CHST3: variants seen among roughly 807,000 people sequenced by gnomAD.
CHST3 encodes C6ST-1.
CHST3 carries 20 observed loss-of-function variants against 35.4 expected under a neutral mutation model. The observed-to-expected ratio is 0.57, with a 90% CI of 0.40 to 0.82. The LOEUF is 0.82. CHST3 is among the 40% of genes least tolerant of loss of function. The pLI, the probability that CHST3 is intolerant of heterozygous loss-of-function variation, is 0.00. For synonymous variants in CHST3, 334 were observed against 295.9 expected, an observed-to-expected ratio of 1.13 and a Z score of -1.32; for missense variants, 693 against 670.1, an observed-to-expected ratio of 1.03 and a Z score of -0.38.
intron 1 of CHST3, among the ~76,000 whole-genome samples, chr10:71,971,729 C>T (rs1839696724): frequency 6.6e-6 from 1 of 152,244 alleles, no homozygotes; most frequent in Non-Finnish European, 1.5e-5. Context: ...GAATTTCACT[C>T]CAGCCACAGG....
intron 2 of CHST3, 45 bp from the exon 3 acceptor site, chr10:72,007,127 G>A: frequency 6.2e-7 from 1 of 1,605,478 alleles, no homozygotes; most frequent in Middle Eastern, 1.7e-4. Context: ...CCAGGAGACG[G>A]GGTCCCCAGT....
At position 72,008,361 on chromosome 10, in the gene CHST3, T is replaced by G. The variant is rs1318910977; in HGVS notation, c.1330T>G (p.Cys444Gly). 6.4e-7 allele frequency: 1 copy of G among 1,565,476 alleles called. No individual in the cohort carries two copies. Among genetic ancestry groups the G allele is most frequent in the Non-Finnish European group, 8.7e-7 (1 of 1,155,848 alleles). Residue 444 changes from cysteine to glycine, a missense_variant, in exon 3 of 3, where the codon TGC (cysteine) becomes GGC (glycine). By Grantham distance (159) the Cys-to-Gly change is radical. Transcript: ENST00000373115. ...GCTGGCCCAGGTGGTGCAGGCCGCC[T>G]GCGGCCCTGCCATGCGCCTCTTCGG... ...FKLAQVVQAA[C>G]GPAMRLFGYK...
At position 72,007,193 on chromosome 10, in the gene CHST3, G is replaced by C. The variant is rs1284424702; in HGVS notation, c.162G>C (p.Gln54His). Residue 54 changes from glutamine to histidine, a missense_variant, in exon 3 of 3, where the codon CAG (glutamine) becomes CAC (histidine). Coordinates refer to ENST00000373115, the MANE Select transcript of CHST3 (RefSeq NM_004273.5). ...ACAGGGTCTCAGACAAGCTGAAGCA[G>C]ATTCCCCAAGCTCTAGCAGATGCCA... ...IISRVSDKLK[Q>H]IPQALADANS... is the part of the protein sequence containing the mutation. 6.8e-6 allele frequency: 11 copies of C among 1,614,046 alleles called. No homozygotes were observed. The highest frequency in any genetic ancestry group is 2.7e-5 in the African/African-American group (2 of 74,934).
chr10:71,968,388 C>T (rs1221071869), intron 1 of CHST3, among the ~76,000 whole-genome samples: 1 of 152,122 alleles, frequency 6.6e-6, no homozygotes, highest in East Asian at 1.9e-4. Context: ...GGATATTAGA[C>T]TTTTGTCGGA....
At chr10:71,967,945 CT>C (rs1407676303) in intron 1 of CHST3, among the ~76,000 whole-genome samples, 1 of 151,246 alleles carries the variant, frequency 6.6e-6, no homozygotes, top group African/African-American at 2.4e-5. Context: ...CCTCAGCCCC[CT>C]GATAGGCGTG....
intron 1 of CHST3, among the ~76,000 whole-genome samples, chr10:71,968,906 C>T (rs150256346): frequency 1.3e-5 from 2 of 152,166 alleles, no homozygotes; most frequent in Non-Finnish European, 2.9e-5. Context: ...GTGACCATAC[C>T]GTGAATAGGG....
At chr10:71,976,822 C>T (rs143116870) in intron 1 of CHST3, among the ~76,000 whole-genome samples, 28 of 152,274 alleles carry the variant, frequency 1.8e-4, no homozygotes, top group African/African-American at 3.1e-4. Context: ...TTTGCCTCTA[C>T]GGATAGAAAA....
chr10:72,000,081 TGCACCTGTG>T (rs1839977633), intron 1 of CHST3, among the ~76,000 whole-genome samples: 1 of 152,228 alleles, frequency 6.6e-6, no homozygotes, highest in Admixed American at 6.5e-5. Flanking sequence ...GCCCTCAGCA[TGCACCTGTG>T]GCCCACACGC....
At chr10:71,981,097 G>C (rs146212741) in intron 1 of CHST3, among the ~76,000 whole-genome samples, 1 of 152,336 alleles carries the variant, frequency 6.6e-6, no homozygotes, top group East Asian at 1.9e-4. Context: ...TTTTTTCAAA[G>C]GGAAGAAGGT....
Position 72,008,563 on chromosome 10 carries a change from A to G in CHST3, c.*92A>G, listed in dbSNP as rs1488030926. ...CAGAGGGCGGGTGCACAGCGCCATGAGCGGGCAGCGCCTCCTGTAGCAGTA... is the reference window on the plus strand; with the variant it reads ...CAGAGGGCGGGTGCACAGCGCCATGGGCGGGCAGCGCCTCCTGTAGCAGTA... On this transcript the variant is annotated 3_prime_UTR_variant, in exon 3 of 3. Transcript: ENST00000373115. 1.4e-6 allele frequency: 2 copies of G among 1,440,476 alleles called. No individual in the cohort carries two copies. The highest frequency in any genetic ancestry group is 2.5e-5 in the East Asian group (1 of 39,964). 89.2% of individuals were successfully genotyped at this position (1,440,476 alleles called of 1,614,324 possible).
chr10:71,981,810 C>T (rs1839803905), intron 1 of CHST3, among the ~76,000 whole-genome samples: 2 of 152,204 alleles, frequency 1.3e-5, no homozygotes, highest in Non-Finnish European at 2.9e-5. Flanking sequence ...CTGTCAACCC[C>T]GCCCCTGGCT....
intron 1 of CHST3, among the ~76,000 whole-genome samples, chr10:71,979,656 G>T (rs1440553959): frequency 6.6e-6 from 1 of 152,130 alleles, no homozygotes; most frequent in African/African-American, 2.4e-5. Context: ...TCTCAGCTTT[G>T]AATTCTTTTT....
Position 72,008,109 on chromosome 10 carries a change from G to C in CHST3, c.1078G>C (p.Ala360Pro), listed in dbSNP as rs1249498594. ...LSAELGLRQPAWLRGRYMLVR... is the reference protein window; with the variant it reads ...LSAELGLRQPPWLRGRYMLVR... ...CGCGGAGCTGGGGCTGCGGCAGCCCGCCTGGCTGCGGGGCCGCTACATGCT... is the reference window on the plus strand; with the variant it reads ...CGCGGAGCTGGGGCTGCGGCAGCCCCCCTGGCTGCGGGGCCGCTACATGCT... Residue 360 changes from alanine (A) to proline (P), a missense_variant, in exon 3 of 3, where the codon GCC (alanine) becomes CCC (proline). Coordinates refer to ENST00000373115, the MANE Select transcript of CHST3 (RefSeq NM_004273.5). 6.5e-7 allele frequency: 1 copy of C among 1,544,956 alleles called. No homozygotes were observed. The highest frequency in any genetic ancestry group is 2.0e-5 in the Admixed American group (1 of 50,824).
At chr10:71,984,970 C>T (rs1211197566) in intron 1 of CHST3, among the ~76,000 whole-genome samples, 3 of 152,242 alleles carry the variant, frequency 2.0e-5, no homozygotes, top group Admixed American at 6.5e-5. Context: ...AGCTTGCACT[C>T]TTACAAATTT....
chr10:71,995,389 C>T lies in CHST3; in HGVS notation c.-107-10347C>T, dbSNP rs930608164. Among the ~76,000 whole-genome samples the T allele has an allele frequency of 6.7e-5, 10 of 148,172 alleles. No individual in the cohort carries two copies. The South Asian group carries it at 1.9e-3, about 28-fold the overall frequency. Reference sequence around the variant, plus strand: ...GCAGTGAGCCGAGATCACGCCACTGCGCTCCAGCCTGGGCAGAGCGAGAGT... The same window carrying T: ...GCAGTGAGCCGAGATCACGCCACTGTGCTCCAGCCTGGGCAGAGCGAGAGT... On this transcript the variant is annotated intron_variant, in intron 1 of 2. Coordinates refer to ENST00000373115, the MANE Select transcript of CHST3 (RefSeq NM_004273.5).
At chr10:71,970,849 G>A (rs1839687630) in intron 1 of CHST3, among the ~76,000 whole-genome samples, 1 of 152,208 alleles carries the variant, frequency 6.6e-6, no homozygotes, top group East Asian at 1.9e-4. Context: ...CTCCAAGACG[G>A]GGCCTACCTG....
intron 1 of CHST3, among the ~76,000 whole-genome samples, chr10:71,990,928 C>T (rs1839891636): frequency 6.6e-6 from 1 of 152,160 alleles, no homozygotes; most frequent in Non-Finnish European, 1.5e-5. Flanking sequence ...ATTAGTCCCC[C>T]AAATCTTAGT....
chr10:71,999,647 C>T (rs1470710415), intron 1 of CHST3, among the ~76,000 whole-genome samples: 3 of 152,244 alleles, frequency 2.0e-5, no homozygotes, highest in African/African-American at 7.2e-5. Context: ...TCACAGCCGA[C>T]TTGCTGGGAC....
Position 71,989,523 on chromosome 10 carries a change from G to A in CHST3, c.-107-16213G>A, listed in dbSNP as rs144788443. Among the ~76,000 whole-genome samples, 34 of 152,258 alleles carry A rather than the reference G, an allele frequency of 2.2e-4. 1 individual carries two copies. Among genetic ancestry groups the A allele is most frequent in the Admixed American group, 2.2e-3 (34 of 15,286 alleles). On this transcript the variant is annotated intron_variant, in intron 1 of 2. Transcript: ENST00000373115. ...ATCCCTCTTGCTTGTTCTGGGTTAGGTTCATCACAAAGCTGCTTAGATGGA... is the reference window on the plus strand; with the variant it reads ...ATCCCTCTTGCTTGTTCTGGGTTAGATTCATCACAAAGCTGCTTAGATGGA...
Sources: allele counts gnomAD v4.1 joint callset (sites outside exome capture counted in the v4.1 genomes callset), GRCh38; gene constraint gnomAD v4.1.1; transcripts MANE v1.5; gene names NCBI Gene and HGNC (gene_info 2026-07-23, HGNC 2026-07-21).